PCDHGA9: variants seen among roughly 807,000 people sequenced by gnomAD.
The protein encoded by PCDHGA9 is protocadherin gamma-A9.
Under a neutral mutation model 62.5 loss-of-function variants are expected in PCDHGA9, and 37 were observed. The ratio of observed to expected loss-of-function variants is 0.59; its 90% CI spans 0.46 to 0.78. The LOEUF is 0.78. Ranked by LOEUF, PCDHGA9 falls within the 30% of genes least tolerant of loss-of-function variation. PCDHGA9 has a pLI of 0.00. For missense variants in PCDHGA9, 1,138 were observed against 1,166.2 expected, an observed-to-expected ratio of 0.98 and a Z score of 0.35; for synonymous variants, 459 against 484.6, an observed-to-expected ratio of 0.95 and a Z score of 0.69.
In PCDHGA9 at chr5:141,510,992, T is replaced by C. The variant is rs879030278; in HGVS notation, c.2618T>C (p.Met873Thr). The change falls in exon 4 of 4, where the codon ATG (methionine) becomes ACG (threonine). Residue 873 changes from methionine to threonine, a missense_variant. By Grantham distance (81) the Met-to-Thr change is moderately conservative. Coordinates refer to ENST00000573521, the MANE Select transcript of PCDHGA9 (RefSeq NM_018921.3). ...SSTLGGGAGT[M>T]GLSARYGPQF... is the part of the protein sequence containing the mutation. ...ACCCTGGGAGGGGGTGCCGGCACCA[T>C]GGGATTGAGCGCCCGCTACGGACCC... The C allele has an allele frequency of 1.9e-6, 3 of 1,614,164 alleles. No individual in the cohort carries two copies. The highest frequency in any genetic ancestry group is 2.5e-6 in the Non-Finnish European group (3 of 1,180,006).
intron 1 of PCDHGA9, among the ~76,000 whole-genome samples, chr5:141,406,446 CTA>C: frequency 6.6e-6 from 1 of 152,200 alleles, no homozygotes; most frequent in Non-Finnish European, 1.5e-5. Context: ...TCTTCCATTT[CTA>C]TGACAGGAAA....
chr5:141,476,187 G>T lies in PCDHGA9; in HGVS notation c.2425-18620G>T. 1 of 1,613,782 alleles carries T rather than the reference G, an allele frequency of 6.2e-7. No individual in the cohort carries two copies. The highest frequency in any genetic ancestry group is 8.5e-7 in the Non-Finnish European group (1 of 1,180,028). ...GTAGTGGGAGTTTTGCTTCTGCTTG[G>T]TGCCTTGAACAAGGCTTCCACGGTC... On this transcript the variant is annotated intron_variant, in intron 1 of 3. Transcript: ENST00000573521. This position sits in a 1 kb window ranked among gnomAD's most constrained non-coding sequence, Gnocchi z 7.6.
rs764482722 is a variant in PCDHGA9 at position 141,432,066 on chromosome 5, C to T, written c.2424+26690C>T. 62 of 1,614,062 alleles carry T rather than the reference C, an allele frequency of 3.8e-5. No individual in the cohort carries two copies. The highest frequency in any genetic ancestry group is 5.2e-5 in the Non-Finnish European group (61 of 1,180,046). On this transcript the variant is annotated intron_variant, in intron 1 of 3. Coordinates refer to ENST00000573521, the MANE Select transcript of PCDHGA9 (RefSeq NM_018921.3). The surrounding 1 kb of genome is among the most constrained non-coding windows in gnomAD (Gnocchi z 6.0). ...GGAACCCCGCCCCTATCCACGGAAA[C>T]TCATATCTCGCTGAACGTGGCAGAC...
At position 141,491,952 on chromosome 5, in the gene PCDHGA9, C is replaced by A; in HGVS notation, c.2425-2855C>A. 9.4e-7 allele frequency: 1 copy of A among 1,062,954 alleles called. No homozygotes were observed. The allele number at this position is 1,062,954 out of a possible 1,614,324, so 65.8% of individuals were successfully genotyped here. On this transcript the variant is annotated intron_variant, in intron 1 of 3. Coordinates refer to ENST00000573521, the MANE Select transcript of PCDHGA9 (RefSeq NM_018921.3). The surrounding 1 kb of genome is among the most constrained non-coding windows in gnomAD (Gnocchi z 6.9). ...GGTGGGACCGACCCCCACCCCTACA[C>A]TCAAAAAAGGCCGGGGCCTCCTTCG...
In PCDHGA9 at chr5:141,422,435, A is replaced by G. The variant is rs199795822; in HGVS notation, c.2424+17059A>G. 7.8e-4 allele frequency: 1,254 copies of G among 1,609,700 alleles called. 7 individuals are homozygous for G. The highest frequency in any genetic ancestry group is 2.1e-3 in the South Asian group (193 of 90,090). Reference sequence around the variant, plus strand: ...TTAGAAAAGACTTATGGAAATTATTACAAATTGATAACAAGCAGAGTGCTG... The same window carrying G: ...TTAGAAAAGACTTATGGAAATTATTGCAAATTGATAACAAGCAGAGTGCTG... On this transcript the variant is annotated intron_variant, in intron 1 of 3. Transcript: ENST00000573521.
rs1026815375 is a variant in PCDHGA9, at chr5:141,481,045, G to A, written c.2425-13762G>A. 4.6e-5 allele frequency among the ~76,000 whole-genome samples: 7 copies of A among 152,024 alleles called. No individual in the cohort carries two copies. In the South Asian group the frequency reaches 8.3e-4, roughly 18 times the overall value. ...TGCACTCCAGCCTGGGCGACAGAGCGAGACTCCACCTCAAAAACAAAAAGA... is the reference window on the plus strand; with the variant it reads ...TGCACTCCAGCCTGGGCGACAGAGCAAGACTCCACCTCAAAAACAAAAAGA... On this transcript the variant is annotated intron_variant, in intron 1 of 3. Coordinates refer to ENST00000573521, the MANE Select transcript of PCDHGA9 (RefSeq NM_018921.3).
intron 1 of PCDHGA9, among the ~76,000 whole-genome samples, chr5:141,425,257 G>A (rs746250240): frequency 6.6e-6 from 1 of 152,152 alleles, no homozygotes; most frequent in Non-Finnish European, 1.5e-5. Context: ...TGAGGTATTT[G>A]GCTGGGAAAA....
chr5:141,483,916 A>C (rs1377841777), intron 1 of PCDHGA9, among the ~76,000 whole-genome samples: 1 of 144,996 alleles, frequency 6.9e-6, no homozygotes, highest in African/African-American at 2.5e-5. Flanking sequence ...TCCCACTCAG[A>C]TTGCAGGTCG....
intron 1 of PCDHGA9, chr5:141,430,634 C>A: frequency 1.1e-6 from 1 of 882,730 alleles, no homozygotes; most frequent in Non-Finnish European, 1.7e-6. Flanking sequence ...TGAACCATCC[C>A]TGGGAGTATG....
At chr5:141,498,220 G>T (rs1562182972) in intron 2 of PCDHGA9, among the ~76,000 whole-genome samples, 1 of 152,222 alleles carries the variant, frequency 6.6e-6, no homozygotes, top group Non-Finnish European at 1.5e-5. Flanking sequence ...GAGCATTCCA[G>T]ATGGTCAGGC....
rs2096144450 is a variant in PCDHGA9 at position 141,417,665 on chromosome 5, T to C, written c.2424+12289T>C. On this transcript the variant is annotated intron_variant, in intron 1 of 3. Coordinates refer to ENST00000573521, the MANE Select transcript of PCDHGA9 (RefSeq NM_018921.3). ...CCTCAGCCTCTAGCCTGGGATTCCCTGCGCAGCCAACAACAGAAAAGAAAA... is the reference window on the plus strand; with the variant it reads ...CCTCAGCCTCTAGCCTGGGATTCCCCGCGCAGCCAACAACAGAAAAGAAAA... 3.3e-6 allele frequency: 3 copies of C among 915,730 alleles called. No individual in the cohort carries two copies. In the South Asian group the frequency reaches 5.8e-5, roughly 18 times the overall value. 56.7% of individuals were successfully genotyped at this position (915,730 alleles called of 1,614,324 possible).
At chr5:141,465,467 C>T (rs2099103834) in intron 1 of PCDHGA9, among the ~76,000 whole-genome samples, 1 of 152,178 alleles carries the variant, frequency 6.6e-6, no homozygotes, top group Non-Finnish European at 1.5e-5. Flanking sequence ...CCAAATTGCC[C>T]TTGCTTCATG....
Position 141,404,085 on chromosome 5 carries a change from A to G in PCDHGA9, c.1133A>G (p.Lys378Arg). The G allele has an allele frequency of 6.2e-7, 1 of 1,613,618 alleles. No homozygotes were observed. Among genetic ancestry groups the G allele is most frequent in the South Asian group, 1.1e-5 (1 of 91,074 alleles). ...AATGCTCATGACCGAGACTCCGGGAAGAATGGTCAAGTTGTCTGTTCTATC... is the reference window on the plus strand; with the variant it reads ...AATGCTCATGACCGAGACTCCGGGAGGAATGGTCAAGTTGTCTGTTCTATC... ...LFNAHDRDSG[K>R]NGQVVCSIQE... The change falls in exon 1 of 4, where the codon AAG becomes AGG. Residue 378 changes from lysine to arginine, a missense_variant. Transcript: ENST00000573521.
intron 1 of PCDHGA9, among the ~76,000 whole-genome samples, chr5:141,443,035 CTT>C (rs2098359592): frequency 6.6e-6 from 1 of 152,208 alleles, no homozygotes; most frequent in African/African-American, 2.4e-5. Context: ...CAGACCTAAA[CTT>C]TGAAAATTAT....
At chr5:141,408,882 A>G (rs1561715935) in intron 1 of PCDHGA9, 1 of 1,613,404 alleles carries the variant, frequency 6.2e-7, no homozygotes, top group Admixed American at 1.7e-5. Context: ...GCCACCGCTC[A>G]CATAGAAATT....
intron 3 of PCDHGA9, among the ~76,000 whole-genome samples, chr5:141,507,714 C>T (rs1425955843): frequency 6.6e-6 from 1 of 152,280 alleles, no homozygotes; most frequent in Non-Finnish European, 1.5e-5. Flanking sequence ...GCCCCAAACC[C>T]TCCAAGCAAG....
chr5:141,436,743 C>A (rs991678215), intron 1 of PCDHGA9, among the ~76,000 whole-genome samples: 3 of 152,158 alleles, frequency 2.0e-5, no homozygotes, highest in Non-Finnish European at 4.4e-5. Flanking sequence ...TTTTTGTGTG[C>A]TTCTCCATAT....
At chr5:141,478,725 A>C (rs2099473537) in intron 1 of PCDHGA9, 1 of 1,542,096 alleles carries the variant, frequency 6.5e-7, no homozygotes. Flanking sequence ...GGCCTGCCAG[A>C]GTGTGGTTTG....
At chr5:141,438,232 GT>G (rs531572606) in intron 1 of PCDHGA9, among the ~76,000 whole-genome samples, 207 of 152,154 alleles carry the variant, frequency 1.4e-3, no homozygotes, top group Middle Eastern at 0.01. Flanking sequence ...TCAGGAAAAT[GT>G]TTTTAAAAAA....
Sources: allele counts gnomAD v4.1 joint callset (sites outside exome capture counted in the v4.1 genomes callset), GRCh38; gene constraint gnomAD v4.1.1; non-coding constraint Gnocchi (gnomAD v3.1); transcripts MANE v1.5; gene names NCBI Gene and HGNC (gene_info 2026-07-23, HGNC 2026-07-21).